ARHGAP24: variants seen among roughly 807,000 people sequenced by gnomAD.
ARHGAP24 encodes rho GTPase-activating protein 24.
In ARHGAP24, 50 loss-of-function variants were observed where a neutral mutation model predicts 76.4. The observed-to-expected ratio is 0.65, with a 90% CI of 0.52 to 0.83. The LOEUF is 0.83. Among genes scored for constraint, ARHGAP24 ranks in the 40% least tolerant of loss-of-function variants. ARHGAP24 has a pLI of 0.00. For missense variants in ARHGAP24, 930 were observed against 914.2 expected (o/e 1.02, Z -0.22); for synonymous variants, 345 against 323.3 (o/e 1.07, Z -0.72).
At chr4:85,951,594 G>A (rs1338529425) in intron 5 of ARHGAP24, among the ~76,000 whole-genome samples, 1 of 152,084 alleles carries the variant, frequency 6.6e-6, no homozygotes, top group Non-Finnish European at 1.5e-5. Context: ...GGGGTCCATA[G>A]CCTCAAAATG....
In ARHGAP24 at chr4:85,570,390, CTTTCTTTCTTTCTTTCTTTCTTTCTTT is replaced by C; in HGVS notation, c.-20-131_-20-105del. On this transcript the variant is annotated intron_variant, in intron 1 of 9. Transcript: ENST00000395184. ...TCTTTCTTTCTTTCTTTCTTTCTTT[CTTTCTTTCTTTCTTTCTTTCTTTCTTT>C]CCTCTCTCTCTCTCTTTTTTTTTTT... The C allele has an allele frequency of 4.1e-3, 58 of 14,168 alleles. 2 individuals carry two copies. Among genetic ancestry groups the C allele is most frequent in the East Asian group, 9.3e-3 (3 of 322 alleles). 0.9% of individuals were successfully genotyped at this position (14,168 alleles called of 1,614,324 possible). A position where few individuals can be genotyped will look rare whatever the true frequency, so the allele number is the denominator to read the frequency against.
chr4:85,624,180 G>T (rs1184853856), intron 2 of ARHGAP24, among the ~76,000 whole-genome samples: 1 of 152,178 alleles, frequency 6.6e-6, no homozygotes, highest in Non-Finnish European at 1.5e-5. Flanking sequence ...TCAAAGGAAT[G>T]CTTCCAGTTT....
intron 3 of ARHGAP24, among the ~76,000 whole-genome samples, chr4:85,799,003 G>T (rs1300351846): frequency 6.6e-6 from 1 of 152,104 alleles, no homozygotes; most frequent in African/African-American, 2.4e-5. Flanking sequence ...TAGAAAATTA[G>T]TATGAACCAC....
At position 85,855,237 on chromosome 4, in the gene ARHGAP24, G is replaced by A. The variant is rs182690430; in HGVS notation, c.269-68411G>A. Among the ~76,000 whole-genome samples the A allele has an allele frequency of 9.2e-3, 1,396 of 152,308 alleles. 12 individuals are homozygous for A. The highest frequency in any genetic ancestry group is 0.014 in the Non-Finnish European group (944 of 68,030). On this transcript the variant is annotated intron_variant, in intron 3 of 9. Coordinates refer to ENST00000395184, the MANE Select transcript of ARHGAP24 (RefSeq NM_001025616.3). ...GAAAGTCAGAGACCCTGAGCAAAAA[G>A]CAAAACTAAATCTTCAAACTCTATA...
intron 1 of ARHGAP24, among the ~76,000 whole-genome samples, chr4:85,487,886 TA>T (rs1723191631): frequency 5.5e-5 from 7 of 127,276 alleles, no homozygotes; most frequent in Non-Finnish European, 1.1e-4. Flanking sequence ...ATAATATATA[TA>T]ATAAATATAT....
intron 5 of ARHGAP24, among the ~76,000 whole-genome samples, chr4:85,952,340 A>G (rs1309772544): frequency 6.6e-6 from 1 of 152,242 alleles, no homozygotes; most frequent in East Asian, 1.9e-4. Flanking sequence ...GTATCAGTAC[A>G]TTGGTTTCTT....
chr4:85,998,762 A>C (rs1482107230), intron 9 of ARHGAP24, among the ~76,000 whole-genome samples: 2 of 152,096 alleles, frequency 1.3e-5, no homozygotes, highest in Non-Finnish European at 2.9e-5. Context: ...GAGATTTTGT[A>C]GTCTCTTCTT....
At chr4:85,583,040 T>A (rs1727682376) in intron 2 of ARHGAP24, among the ~76,000 whole-genome samples, 1 of 152,140 alleles carries the variant, frequency 6.6e-6, no homozygotes, top group African/African-American at 2.4e-5. Flanking sequence ...CAGCTGATAC[T>A]CTTCTAGCTT....
chr4:85,517,778 C>CT (rs1316258771), intron 1 of ARHGAP24, among the ~76,000 whole-genome samples: 1 of 152,026 alleles, frequency 6.6e-6, no homozygotes, highest in African/African-American at 2.4e-5. Flanking sequence ...TTGAAAAACT[C>CT]TGACTCTGCT....
At chr4:85,778,486 A>C (rs1463977375) in intron 3 of ARHGAP24, among the ~76,000 whole-genome samples, 11 of 152,216 alleles carry the variant, frequency 7.2e-5, no homozygotes, top group Admixed American at 7.2e-4. Context: ...TAGCCGTGTG[A>C]GTGACCTTAT....
At chr4:85,728,319 T>C (rs1205183045) in intron 3 of ARHGAP24, among the ~76,000 whole-genome samples, 1 of 151,868 alleles carries the variant, frequency 6.6e-6, no homozygotes, top group Non-Finnish European at 1.5e-5. Context: ...ATGCAATCAT[T>C]GACTGTAGTT....
In ARHGAP24 at chr4:85,994,844, G is replaced by A. The variant is rs377045197; in HGVS notation, c.1190G>A (p.Gly397Asp). 5.1e-5 allele frequency: 83 copies of A among 1,614,102 alleles called. No individual in the cohort carries two copies. The East Asian group carries it at 8.5e-4, about 16-fold the overall frequency. Residue 397 changes from glycine to aspartate, a missense_variant, in exon 9 of 10, where the codon GGC becomes GAC. Coordinates refer to ENST00000395184, the MANE Select transcript of ARHGAP24 (RefSeq NM_001025616.3). Reference protein sequence around the residue: ...MNNGSPTALSGSKTNSPKNSV... With the variant: ...MNNGSPTALSDSKTNSPKNSV... ...AATGGATCCCCCACAGCTCTATCAG[G>A]CAGCAAAACCAACAGCCCAAAGAAC...
At chr4:85,902,321 C>T (rs1245263692) in intron 3 of ARHGAP24, among the ~76,000 whole-genome samples, 5 of 152,166 alleles carry the variant, frequency 3.3e-5, no homozygotes. Flanking sequence ...CGCAGACTAA[C>T]AACTAGAGCC....
At chr4:85,540,495 A>G (rs200046743) in intron 1 of ARHGAP24, among the ~76,000 whole-genome samples, 2 of 152,336 alleles carry the variant, frequency 1.3e-5, no homozygotes, top group East Asian at 3.9e-4. Flanking sequence ...TATAAGCAGC[A>G]TATGTTTCTA....
chr4:85,878,444 A>C (rs779562861), intron 3 of ARHGAP24, among the ~76,000 whole-genome samples: 1 of 152,200 alleles, frequency 6.6e-6, no homozygotes, highest in Non-Finnish European at 1.5e-5. Flanking sequence ...GTTACAATTA[A>C]TATCAATTTT....
At chr4:85,919,189 T>C (rs1209962463) in intron 3 of ARHGAP24, among the ~76,000 whole-genome samples, 2 of 152,200 alleles carry the variant, frequency 1.3e-5, no homozygotes, top group Non-Finnish European at 2.9e-5. Context: ...GTTAAATAGA[T>C]CATTAAGTCC....
At chr4:85,627,000 C>G (rs1720979830) in intron 2 of ARHGAP24, among the ~76,000 whole-genome samples, 1 of 152,146 alleles carries the variant, frequency 6.6e-6, no homozygotes, top group African/African-American at 2.4e-5. Context: ...AAGCTTTTAA[C>G]TTCTTTGCCA....
At chr4:85,875,816 A>T (rs1294312719) in intron 3 of ARHGAP24, among the ~76,000 whole-genome samples, 2 of 150,418 alleles carry the variant, frequency 1.3e-5, no homozygotes, top group Non-Finnish European at 1.5e-5. Context: ...ATCTCAGCTC[A>T]GTGCAACCTG....
chr4:85,738,525 A>G (rs1398145547), intron 3 of ARHGAP24, among the ~76,000 whole-genome samples: 1 of 151,778 alleles, frequency 6.6e-6, no homozygotes, highest in Non-Finnish European at 1.5e-5. Flanking sequence ...CTTTTACTTT[A>G]CTGGTGGTGT....
Sources: gnomAD v4.1 joint callset for allele counts (sites outside exome capture counted in the v4.1 genomes callset) on GRCh38, gnomAD v4.1.1 for gene constraint, MANE v1.5 for transcripts, NCBI Gene and HGNC (gene_info 2026-07-23, HGNC 2026-07-21) for gene names.